Variants in DOP1B observed in about 807,000 individuals in gnomAD.
DOP1B encodes protein DOP1B.
DOP1B carries 174 observed loss-of-function variants against 233.5 expected under a neutral mutation model. The ratio of observed to expected loss-of-function variants is 0.75; its 90% CI spans 0.66 to 0.85. DOP1B has a LOEUF of 0.85. DOP1B is among the 40% of genes least tolerant of loss of function. The pLI, the probability that DOP1B is intolerant of heterozygous loss-of-function variation, is 0.00. For synonymous variants in DOP1B, 1,190 were observed against 1,185.6 expected (o/e 1.00, Z -0.08); for missense variants, 2,652 against 2,846.6 (o/e 0.93, Z 1.56).
intron 2 of DOP1B, chr21:36,169,659 G>A: frequency 4.4e-6 from 4 of 904,850 alleles, no homozygotes; most frequent in Non-Finnish European, 3.7e-6. Flanking sequence ...GCCTTCTTCT[G>A]GCGCAGAGGA....
At chr21:36,293,174 C>T in intron 36 of DOP1B, 146 bp from the exon 37 acceptor site, 2 of 833,290 alleles carry the variant, frequency 2.4e-6, no homozygotes, top group Non-Finnish European at 3.6e-6. Context: ...CTGCTGCACT[C>T]CAGCCTGGGC....
At chr21:36,257,183 G>A (rs1569055299) in intron 23 of DOP1B, among the ~76,000 whole-genome samples, 2 of 152,284 alleles carry the variant, frequency 1.3e-5, no homozygotes, top group South Asian at 2.1e-4. Flanking sequence ...AAGGTATGGG[G>A]GAAGAGGTGC....
intron 27 of DOP1B, among the ~76,000 whole-genome samples, chr21:36,274,648 AG>A (rs1212019435): frequency 1.3e-5 from 2 of 152,038 alleles, no homozygotes; most frequent in African/African-American, 4.8e-5. Context: ...TGCAACAGGA[AG>A]GGGCAACAGG....
chr21:36,266,015 C>T (rs193296947), intron 26 of DOP1B, among the ~76,000 whole-genome samples: 1 of 152,124 alleles, frequency 6.6e-6, no homozygotes, highest in East Asian at 1.9e-4. Context: ...CACAAGACTG[C>T]CCCACCCCCT....
Position 36,169,939 on chromosome 21 carries a change from G to A in DOP1B, c.138+5068G>A. The A allele has an allele frequency of 3.9e-6, 3 of 770,354 alleles. No individual in the cohort carries two copies. In the South Asian group the frequency reaches 4.0e-5, roughly 10 times the overall value. The allele number at this position is 770,354 out of a possible 1,614,324, so 47.7% of individuals were successfully genotyped here. ...AATGCCCACAACCACCATAGGTGGT[G>A]TCTCCACAGTAGTCATGGCCTCTAC... is the stretch of plus-strand genomic sequence containing the variant. On this transcript the variant is annotated intron_variant, in intron 2 of 36. Coordinates refer to ENST00000691173, the MANE Select transcript of DOP1B (RefSeq NM_001320714.2).
At chr21:36,290,159 G>A (rs75576371) in intron 35 of DOP1B, among the ~76,000 whole-genome samples, 2,294 of 152,250 alleles carry the variant, frequency 0.015, 50 homozygotes, top group African/African-American at 0.052. Flanking sequence ...TGGGATGTAC[G>A]GGAACTACTT....
At chr21:36,225,752 T>A in intron 12 of DOP1B, 85 bp downstream of exon 12, 2 of 1,342,406 alleles carry the variant, frequency 1.5e-6, no homozygotes, top group Non-Finnish European at 2.1e-6. Context: ...CAACCTCACA[T>A]TACTGAAAAT....
rs748248615 is a variant in DOP1B at position 36,223,342 on chromosome 21, A to G, written c.1362A>G (p.Glu454=). The change falls in exon 11 of 37, where the codon GAA becomes GAG. Residue 454 remains glutamate (E), a synonymous_variant. Transcript: ENST00000691173. The stretch of plus-strand genomic sequence containing the variant: ...ATTATATGACAAGGTGTTTTGAGGA[A>G]TGCTTTAGGTAAGTATGCAGTTCAA... The part of the protein sequence containing the change: ...LWDYMTRCFE[E]CFRPVKQRYS... 2.5e-6 allele frequency: 4 copies of G among 1,609,258 alleles called. No homozygotes were observed. Among genetic ancestry groups the G allele is most frequent in the Non-Finnish European group, 3.4e-6 (4 of 1,179,022 alleles).
rs754641667 is a variant in DOP1B, at chr21:36,208,878, A to G, written c.655A>G (p.Met219Val). The G allele has an allele frequency of 6.5e-7, 1 of 1,549,848 alleles. No individual in the cohort carries two copies. The highest frequency in any genetic ancestry group is 1.2e-5 in the South Asian group (1 of 81,060). Residue 219 changes from methionine to valine, a missense_variant, in exon 5 of 37, where the codon ATG becomes GTG. Transcript: ENST00000691173. ...RDAPGREQKY[M>V]LGTNHQLTVK... Reference sequence around the variant, plus strand: ...TGCCCCCGGCCGGGAGCAGAAGTACATGCTGGGGACCAATCACCAACTCAC... The same window carrying G: ...TGCCCCCGGCCGGGAGCAGAAGTACGTGCTGGGGACCAATCACCAACTCAC...
At chr21:36,231,972 A>T (rs2066771277) in intron 14 of DOP1B, among the ~76,000 whole-genome samples, 1 of 151,798 alleles carries the variant, frequency 6.6e-6, no homozygotes, top group Admixed American at 6.6e-5. Context: ...CAGCCTCCCA[A>T]GTATCTGGGG....
intron 27 of DOP1B, among the ~76,000 whole-genome samples, chr21:36,273,566 G>T (rs2067315433): frequency 6.6e-6 from 1 of 152,162 alleles, no homozygotes; most frequent in South Asian, 2.1e-4. Context: ...TGTCCCCAAG[G>T]AGGTGACAGT....
chr21:36,255,992 C>T (rs2067091927), intron 23 of DOP1B, among the ~76,000 whole-genome samples: 1 of 152,174 alleles, frequency 6.6e-6, no homozygotes, highest in South Asian at 2.1e-4. Flanking sequence ...TTTGCATTCC[C>T]TTAGAGTCTT....
chr21:36,247,793 C>T (rs1289451010), intron 20 of DOP1B, among the ~76,000 whole-genome samples, 165 bp downstream of exon 20: 3 of 152,356 alleles, frequency 2.0e-5, no homozygotes, highest in East Asian at 1.9e-4. Context: ...CACGTACACA[C>T]GTATGCAAAT....
At chr21:36,212,230 A>C in intron 7 of DOP1B, 133 bp downstream of exon 7, 1 of 1,086,344 alleles carries the variant, frequency 9.2e-7, no homozygotes, top group Admixed American at 3.1e-5. Context: ...CAATGACTAA[A>C]TATGGCACTG....
At chr21:36,279,282 C>T (rs755898615) in intron 30 of DOP1B, among the ~76,000 whole-genome samples, 7 of 151,530 alleles carry the variant, frequency 4.6e-5, no homozygotes, top group African/African-American at 9.7e-5. Flanking sequence ...GCCAGGCATG[C>T]GGGCATATGC....
rs751171972 is a variant in DOP1B at position 36,245,446 on chromosome 21, C to T, written c.3466C>T (p.Pro1156Ser). 1.9e-6 allele frequency: 3 copies of T among 1,613,862 alleles called. No homozygotes were observed. The highest frequency in any genetic ancestry group is 2.7e-5 in the African/African-American group (2 of 74,948). ...CATCCCCATGGGGGGCAGGGCGTAC[C>T]CCAAGCGCTCGGCCCTGCTGGCGGC... ...APIPMGGRAYPKRSALLAAFQ... is the reference protein window; with the variant it reads ...APIPMGGRAYSKRSALLAAFQ... The change falls in exon 19 of 37, where the codon CCC becomes TCC. Residue 1156 changes from proline to serine, a missense_variant. Physicochemically the swap from Pro to Ser is moderately conservative, Grantham distance 74. Coordinates refer to ENST00000691173, the MANE Select transcript of DOP1B (RefSeq NM_001320714.2). This position sits in a 1 kb window ranked among gnomAD's most constrained non-coding sequence, Gnocchi z 5.5.
In DOP1B at chr21:36,160,001, GTAGGGACCTTGTC is replaced by G. The variant is rs1220454917; in HGVS notation, c.-27+3060_-27+3072del. On this transcript the variant is annotated intron_variant, in intron 1 of 36. Transcript: ENST00000691173. ...TTTTATTAGGCTATGAACTATGAGA[GTAGGGACCTTGTC>G]TTATTTATGTTTCTTTCCCCCATGT... Among the ~76,000 whole-genome samples, 5 of 152,282 alleles carry G rather than the reference GTAGGGACCTTGTC, an allele frequency of 3.3e-5. No homozygotes were observed. The East Asian group carries it at 9.6e-4, about 29-fold the overall frequency.
At chr21:36,244,661 G>A (rs1049363522) in intron 18 of DOP1B, among the ~76,000 whole-genome samples, 3 of 152,038 alleles carry the variant, frequency 2.0e-5, no homozygotes, top group Non-Finnish European at 2.9e-5. Flanking sequence ...CCTGACCTCC[G>A]GTGATCTACC....
intron 13 of DOP1B, 149 bp from the exon 14 acceptor site, chr21:36,230,301 A>G: frequency 9.4e-7 from 1 of 1,064,506 alleles, no homozygotes. Flanking sequence ...GTGCCTCCTA[A>G]ATTTCATTAT....
Sources: allele counts gnomAD v4.1 joint callset (sites outside exome capture counted in the v4.1 genomes callset), GRCh38; gene constraint gnomAD v4.1.1; non-coding constraint Gnocchi (gnomAD v3.1); transcripts MANE v1.5; gene names NCBI Gene and HGNC (gene_info 2026-07-23, HGNC 2026-07-21).